The following LARS2 variants were observed in gnomAD, a reference collection of about 807,000 sequenced individuals.
LARS2 encodes the protein leucine--tRNA ligase, mitochondrial.
A neutral mutation model predicts 116.6 loss-of-function variants in LARS2; 81 were observed. The ratio of observed to expected loss-of-function variants is 0.69; its 90% confidence interval spans 0.58 to 0.84. The LOEUF (loss-of-function observed/expected upper bound fraction) is 0.84, where lower values mean the gene tolerates loss of function less well. LARS2 is among the 40% of genes least tolerant of loss of function. The pLI is 0.00. For synonymous variants in LARS2, 396 were observed against 407.2 expected (o/e 0.97, Z 0.33); for missense variants, 968 against 1,114.5 (o/e 0.87, Z 1.87).
At chr3:45,435,374 A>G (rs1283320485) in intron 6 of LARS2, among the ~76,000 whole-genome samples, 1 of 152,208 alleles carries the variant, frequency 6.6e-6, no homozygotes, top group Non-Finnish European at 1.5e-5. Context: ...CCACCCTGGT[A>G]AGGAGGTTTC....
intron 10 of LARS2, among the ~76,000 whole-genome samples, chr3:45,481,005 T>C (rs940785216): frequency 6.6e-6 from 1 of 152,176 alleles, no homozygotes; most frequent in African/African-American, 2.4e-5. Flanking sequence ...ATTTTCATCA[T>C]CCCAAAAAGA....
intron 14 of LARS2, among the ~76,000 whole-genome samples, chr3:45,497,988 C>T (rs568836912): frequency 1.3e-5 from 2 of 152,268 alleles, no homozygotes; most frequent in African/African-American, 2.4e-5. Context: ...TGCAAGGTGA[C>T]GACTGTGGCT....
chr3:45,444,532 C>T (rs113980628), intron 6 of LARS2, among the ~76,000 whole-genome samples: 2,599 of 144,282 alleles, frequency 0.018, 79 homozygotes, highest in African/African-American at 0.06. Flanking sequence ...GGCGTAGTGG[C>T]GGGCGCCTGT....
intron 15 of LARS2, among the ~76,000 whole-genome samples, chr3:45,504,441 T>C (rs1166698397): frequency 1.3e-5 from 2 of 152,040 alleles, no homozygotes; most frequent in Non-Finnish European, 2.9e-5. Context: ...AAGTCTACTG[T>C]ACAGAAAATT....
At chr3:45,462,129 T>A (rs970929682) in intron 8 of LARS2, among the ~76,000 whole-genome samples, 1 of 152,074 alleles carries the variant, frequency 6.6e-6, no homozygotes, top group African/African-American at 2.4e-5. Flanking sequence ...AATGGTGGCT[T>A]AAACAAATGG....
chr3:45,469,270 A>T (rs577859911), intron 8 of LARS2, among the ~76,000 whole-genome samples: 1 of 152,280 alleles, frequency 6.6e-6, no homozygotes, highest in Non-Finnish European at 1.5e-5. Flanking sequence ...TATCATAGGG[A>T]GGCTTTACTA....
intron 15 of LARS2, among the ~76,000 whole-genome samples, chr3:45,510,228 C>T (rs1006634439): frequency 6.6e-6 from 1 of 151,982 alleles, no homozygotes; most frequent in Non-Finnish European, 1.5e-5. Flanking sequence ...GCCTGGGCAA[C>T]ATAGTGAGAC....
At chr3:45,484,630 A>AAATATATATATATATATATAT (rs1553634443) in intron 10 of LARS2, among the ~76,000 whole-genome samples, 6 of 9,736 alleles carry the variant, frequency 6.2e-4, no homozygotes, top group African/African-American at 7.1e-4. Flanking sequence ...AAAAAAAAAA[A>AAATATATATATATATATATAT]ATATATATAT....
intron 4 of LARS2, among the ~76,000 whole-genome samples, chr3:45,415,845 C>A (rs1190761225): frequency 2.0e-5 from 2 of 98,302 alleles, no homozygotes; most frequent in African/African-American, 5.2e-5. Context: ...AAGACTCCAT[C>A]TCAAAAAAAA....
At chr3:45,443,912 A>G (rs1239579381) in intron 6 of LARS2, among the ~76,000 whole-genome samples, 1 of 152,000 alleles carries the variant, frequency 6.6e-6, no homozygotes, top group African/African-American at 2.4e-5. Context: ...TGACACTTCC[A>G]AAGAGAATGC....
rs1210131690 is a variant in LARS2 at position 45,548,934 on chromosome 3, G to T, written c.*1404G>T. 2 of 152,170 alleles carry T rather than the reference G, an allele frequency of 1.3e-5. No homozygotes were observed. Among genetic ancestry groups the T allele is most frequent in the Non-Finnish European group, 2.9e-5 (2 of 68,042 alleles). The allele number at this position is 152,170 out of a possible 1,614,324, so 9.4% of individuals were successfully genotyped here. A position where few individuals can be genotyped will look rare whatever the true frequency, so the allele number is the denominator to read the frequency against. ...TATTCCATCATCATCGGAAGCATTG[G>T]CTGTGTGTCTGACTCCACATGGAAT... On this transcript the variant is annotated 3_prime_UTR_variant, in exon 22 of 22. Transcript: ENST00000645846.
intron 7 of LARS2, among the ~76,000 whole-genome samples, chr3:45,448,205 G>C (rs932227245): frequency 2.0e-5 from 3 of 152,176 alleles, no homozygotes; most frequent in Admixed American, 6.5e-5. Flanking sequence ...AAAAAATAGT[G>C]TTCTATTCCA....
At chr3:45,513,914 A>C (rs1700331488) in intron 16 of LARS2, among the ~76,000 whole-genome samples, 1 of 152,080 alleles carries the variant, frequency 6.6e-6, no homozygotes, top group Non-Finnish European at 1.5e-5. Context: ...CATGTTAGAA[A>C]ATGGGTAGGG....
chr3:45,433,309 C>T (rs1698749890), intron 6 of LARS2, among the ~76,000 whole-genome samples: 1 of 151,950 alleles, frequency 6.6e-6, no homozygotes, highest in Admixed American at 6.6e-5. Flanking sequence ...CTGGTATCTC[C>T]TGTTTTTGTT....
At chr3:45,544,983 A>T (rs1370204134) in intron 21 of LARS2, among the ~76,000 whole-genome samples, 1 of 152,130 alleles carries the variant, frequency 6.6e-6, no homozygotes, top group Non-Finnish European at 1.5e-5. Context: ...CTCAGAGGCC[A>T]GACACCCCTC....
chr3:45,463,863 G>T (rs986119423), intron 8 of LARS2, among the ~76,000 whole-genome samples: 2 of 152,114 alleles, frequency 1.3e-5, no homozygotes, highest in African/African-American at 2.4e-5. Context: ...AGGAGCCCCA[G>T]ATCTGCCCAG....
chr3:45,513,539 C>G (rs1163091761), intron 16 of LARS2, among the ~76,000 whole-genome samples: 1 of 152,250 alleles, frequency 6.6e-6, no homozygotes, highest in Admixed American at 6.5e-5. Flanking sequence ...CCCAGACCAT[C>G]TTTGAAAGCC....
chr3:45,521,482 TA>T (rs1177162469), intron 19 of LARS2, among the ~76,000 whole-genome samples: 1 of 151,800 alleles, frequency 6.6e-6, no homozygotes, highest in East Asian at 1.9e-4. Context: ...AAAATAAAGA[TA>T]AAAAAGAACA....
At chr3:45,413,259 T>G (rs775605454) in intron 4 of LARS2, among the ~76,000 whole-genome samples, 9 of 152,184 alleles carry the variant, frequency 5.9e-5, no homozygotes, top group Admixed American at 1.3e-4. Context: ...GCAACTATGT[T>G]AAATGTGGCC....
Sources: allele counts gnomAD v4.1 joint callset (sites outside exome capture counted in the v4.1 genomes callset), GRCh38; gene constraint gnomAD v4.1.1; transcripts MANE v1.5; gene names NCBI Gene and HGNC (gene_info 2026-07-23, HGNC 2026-07-21).